ATG16L2: variants seen among roughly 807,000 people sequenced by gnomAD.
ATG16L2 encodes protein Atg16l2.
ATG16L2 carries 77 observed loss-of-function variants against 84.7 expected under a neutral mutation model. That is an observed-to-expected ratio of 0.91 (90% CI 0.76 to 1.10). The LOEUF is 1.10. ATG16L2 is among the 50% of genes least tolerant of loss of function. The pLI is 0.00. For missense variants in ATG16L2, 782 were observed against 817.6 expected, an observed-to-expected ratio of 0.96 and a Z score of 0.53; for synonymous variants, 361 against 342.8, an observed-to-expected ratio of 1.05 and a Z score of -0.59.
Position 72,829,599 on chromosome 11 carries a change from A to C in ATG16L2, c.*209A>C. On this transcript the variant is annotated 3_prime_UTR_variant, in exon 18 of 18. Transcript: ENST00000321297. ...TTTGTATTTTTATCTCTATCTCCTC[A>C]CTTTTTCTCCCAAAGTAGAAAAAAA... 1 of 1,154,286 alleles carries C rather than the reference A, an allele frequency of 8.7e-7. No individual in the cohort carries two copies. The highest frequency in any genetic ancestry group is 1.1e-6 in the Non-Finnish European group (1 of 901,618). The allele number at this position is 1,154,286 out of a possible 1,614,324, so 71.5% of individuals were successfully genotyped here.
At chr11:72,828,304 C>T (rs1421824246) in intron 14 of ATG16L2, 55 bp from the exon 15 acceptor site, 1 of 1,598,972 alleles carries the variant, frequency 6.3e-7, no homozygotes, top group Non-Finnish European at 8.6e-7. Context: ...CCCTTCCTGT[C>T]AGGAGTGGCC....
At position 72,824,736 on chromosome 11, in the gene ATG16L2, T is replaced by G. The variant is rs921283070; in HGVS notation, c.890T>G (p.Phe297Cys). ...CVDVVKGLLD[F>C]KKRRGHSIGG... ...GACCCCAACCCACCTTACCCCAGTTTTAAGAAGAGGAGAGGTCACTCAATT... is the reference window on the plus strand; with the variant it reads ...GACCCCAACCCACCTTACCCCAGTTGTAAGAAGAGGAGAGGTCACTCAATT... Residue 297 changes from phenylalanine (F) to cysteine (C), a missense_variant and splice_region_variant, in exon 9 of 18, where the codon TTT becomes TGT. Physicochemically the swap from Phe to Cys is radical, Grantham distance 205. Transcript: ENST00000321297. 6.2e-7 allele frequency: 1 copy of G among 1,613,454 alleles called. No homozygotes were observed. Among genetic ancestry groups the G allele is most frequent in the Non-Finnish European group, 8.5e-7 (1 of 1,179,698 alleles).
At chr11:72,841,637 T>A in intron 5 of ATG16L2, 1 of 1,509,858 alleles carries the variant, frequency 6.6e-7, no homozygotes, top group Middle Eastern at 2.1e-4. Context: ...AAGGAGAGCC[T>A]GGCTGCTTCT....
At chr11:72,840,863 G>A (rs1273133993) in intron 5 of ATG16L2, 7 of 1,579,594 alleles carry the variant, frequency 4.4e-6, no homozygotes, top group Non-Finnish European at 6.1e-6. Context: ...AATCCTGCAA[G>A]ATCAGAGACT....
At chr11:72,821,262 A>G (rs1859974963) in intron 3 of ATG16L2, 3 of 1,016,206 alleles carry the variant, frequency 3.0e-6, no homozygotes, top group Non-Finnish European at 2.4e-6. Context: ...CCTGCTGGGA[A>G]CATCATGGCG....
chr11:72,817,868 G>T lies in ATG16L2; in HGVS notation c.318+13G>T. Reference sequence around the variant, plus strand: ...GGTCTGTGGTGAGGTAAGTTGGGAAGGGGTCTGAAAATGGGGTAGAGAGAT... The same window carrying T: ...GGTCTGTGGTGAGGTAAGTTGGGAATGGGTCTGAAAATGGGGTAGAGAGAT... On this transcript the variant is annotated intron_variant, in intron 3 of 17. Transcript: ENST00000321297. 2 of 1,604,140 alleles carry T rather than the reference G, an allele frequency of 1.2e-6. No individual in the cohort carries two copies. Among genetic ancestry groups the T allele is most frequent in the Non-Finnish European group, 1.7e-6 (2 of 1,178,292 alleles).
chr11:72,834,641 G>A (rs1860679671), intron 5 of ATG16L2, among the ~76,000 whole-genome samples: 1 of 151,086 alleles, frequency 6.6e-6, no homozygotes, highest in Non-Finnish European at 1.5e-5. Context: ...GGAGTGCAGT[G>A]GCATGATCTT....
In ATG16L2 at chr11:72,826,571, G is replaced by C. The variant is rs773238415; in HGVS notation, c.1227G>C (p.Val409=). 4 of 1,614,168 alleles carry C rather than the reference G, an allele frequency of 2.5e-6. No individual in the cohort carries two copies. Among genetic ancestry groups the C allele is most frequent in the Admixed American group, 1.7e-5 (1 of 60,028 alleles). ...ACCAGGCTGCCCAGCTCTGGAAGGT[G>C]GGGGAGGCACAGTCCAAGGTGAGGC... ...TYNQAAQLWK[V]GEAQSKETLS... Residue 409 remains valine (V), a synonymous_variant, in exon 12 of 18, where the codon GTG becomes GTC. Coordinates refer to ENST00000321297, the MANE Select transcript of ATG16L2 (RefSeq NM_033388.2).
intron 7 of ATG16L2, chr11:72,823,558 TC>T: frequency 2.4e-6 from 1 of 415,554 alleles, no homozygotes; most frequent in Non-Finnish European, 4.8e-6. Flanking sequence ...TCCTTGCAGG[TC>T]CCTGGTGTCC....
chr11:72,828,925 C>T lies in ATG16L2; in HGVS notation c.1713C>T (p.Ala571=). 6.2e-7 allele frequency: 1 copy of T among 1,614,134 alleles called. No individual in the cohort carries two copies. The highest frequency in any genetic ancestry group is 2.2e-5 in the East Asian group (1 of 44,884). ...CACTGGCAGGCTCCTGTGATGGGGCCCTTTACATCTGGGATGTGGACACCG... is the reference window on the plus strand; with the variant it reads ...CACTGGCAGGCTCCTGTGATGGGGCTCTTTACATCTGGGATGTGGACACCG... The part of the protein sequence containing the change: ...SYALAGSCDG[A]LYIWDVDTGK... The change falls in exon 17 of 18, where the codon GCC becomes GCT. Residue 571 remains alanine, a synonymous_variant. Transcript: ENST00000321297.
intron 10 of ATG16L2, among the ~76,000 whole-genome samples, chr11:72,825,821 T>A (rs1397985041): frequency 2.0e-5 from 3 of 152,126 alleles, no homozygotes; most frequent in Non-Finnish European, 4.4e-5. Context: ...CTCTGTGCTC[T>A]GGAGAGGGGG....
downstream of ATG16L2, among the ~76,000 whole-genome samples, chr11:72,831,768 TGCA>T (rs1860612763): frequency 6.6e-6 from 1 of 152,216 alleles, no homozygotes; most frequent in South Asian, 2.1e-4. Context: ...GCACCCTTTC[TGCA>T]GCATTATTTG....
exon 6 of ATG16L2, chr11:72,842,948 G>A: frequency 1.0e-6 from 1 of 972,808 alleles, no homozygotes; most frequent in Non-Finnish European, 1.5e-6. Flanking sequence ...TACAGAATAG[G>A]ATTAAAGTTG....
In ATG16L2 at chr11:72,822,424, C is replaced by T. The variant is rs1251207450; in HGVS notation, c.645-54C>T. On this transcript the variant is annotated intron_variant, in intron 5 of 17. Transcript: ENST00000321297. This position sits in a 1 kb window ranked among gnomAD's most constrained non-coding sequence, Gnocchi z 4.2. ...TGGAGGAAGGGACCGGGTCTAGCCCCGCCTGCGTGCGAGGCGCCGCGCCAG... is the reference window on the plus strand; with the variant it reads ...TGGAGGAAGGGACCGGGTCTAGCCCTGCCTGCGTGCGAGGCGCCGCGCCAG... 2.5e-6 allele frequency: 4 copies of T among 1,610,524 alleles called. No individual in the cohort carries two copies. Among genetic ancestry groups the T allele is most frequent in the Non-Finnish European group, 3.4e-6 (4 of 1,178,350 alleles).
chr11:72,816,484 G>T (rs1859704952), intron 1 of ATG16L2: 1 of 481,186 alleles, frequency 2.1e-6, no homozygotes, highest in Admixed American at 3.2e-5. Context: ...TTCTGTCCCT[G>T]GGAGAGCAGG....
At chr11:72,841,342 A>AG in intron 5 of ATG16L2, 1 of 88,258 alleles carries the variant, frequency 1.1e-5, no homozygotes, top group East Asian at 2.7e-4. Flanking sequence ...TCTGTCTCCA[A>AG]AAAAAAAAAA....
intron 5 of ATG16L2, among the ~76,000 whole-genome samples, chr11:72,839,427 C>G (rs1468870178): frequency 6.6e-6 from 1 of 152,140 alleles, no homozygotes; most frequent in Non-Finnish European, 1.5e-5. Flanking sequence ...GGATCAGAGG[C>G]AAGCAAGAGT....
chr11:72,817,011 C>T lies in ATG16L2; in HGVS notation c.218+184C>T, dbSNP rs544189194. Among the ~76,000 whole-genome samples the T allele has an allele frequency of 4.3e-4, 65 of 152,254 alleles. 1 individual carries two copies. The highest frequency in any genetic ancestry group is 1.5e-3 in the African/African-American group (62 of 41,534). On this transcript the variant is annotated intron_variant, in intron 2 of 17. Transcript: ENST00000321297. ...GCAGGCCCTTGGCCTTCCCACAGGA[C>T]AGCTGTTTAGAATCTCTTTCCCCTC...
At position 72,827,246 on chromosome 11, in the gene ATG16L2, C is replaced by T; in HGVS notation, c.1425C>T (p.Ile475=). ...ATGACGTGGTGTGTGGGGACCATAT[C>T]ATCATTAGTGGCCACAATGACCAGA... ...YCNDVVCGDH[I]IISGHNDQKI... is the part of the protein sequence containing the mutation. The change falls in exon 14 of 18, where the codon ATC becomes ATT. Residue 475 remains isoleucine (I), a synonymous_variant. Transcript: ENST00000321297. The T allele has an allele frequency of 6.2e-7, 1 of 1,614,098 alleles. No individual in the cohort carries two copies. Among genetic ancestry groups the T allele is most frequent in the Non-Finnish European group, 8.5e-7 (1 of 1,180,014 alleles).
Sources: gnomAD v4.1 joint callset for allele counts (sites outside exome capture counted in the v4.1 genomes callset) on GRCh38, gnomAD v4.1.1 for gene constraint, Gnocchi (gnomAD v3.1) non-coding constraint, MANE v1.5 for transcripts, NCBI Gene and HGNC (gene_info 2026-07-23, HGNC 2026-07-21) for gene names.